Variants in TNRC6B observed in about 807,000 individuals in gnomAD.
TNRC6B encodes the protein trinucleotide repeat-containing gene 6B protein.
A neutral mutation model predicts 203.6 loss-of-function variants in TNRC6B; 52 were observed. The observed-to-expected ratio is 0.26, with a 90% confidence interval of 0.20 to 0.32. The LOEUF is 0.32. Ranked by LOEUF, TNRC6B falls within the 10% of genes least tolerant of loss-of-function variation. The pLI, the probability that TNRC6B is intolerant of heterozygous loss-of-function variation, is 1.00. For synonymous variants in TNRC6B, 838 were observed against 845.7 expected (o/e 0.99, Z 0.16); for missense variants, 1,923 against 2,286.2 (o/e 0.84, Z 3.24).
rs1471382794 is a variant in TNRC6B at position 40,277,980 on chromosome 22, TC to T, written c.3217-18del. ...GATGTGCATCCTTAATTCTCTCTCATCTGTTCTTTATTTTCCAGAGTCAGAC... is the reference window on the plus strand; with the variant it reads ...GATGTGCATCCTTAATTCTCTCTCATTGTTCTTTATTTTCCAGAGTCAGAC... On this transcript the variant is annotated intron_variant, in intron 8 of 22. Transcript: ENST00000454349. The T allele has an allele frequency of 1.3e-6, 2 of 1,541,826 alleles. No individual in the cohort carries two copies. The highest frequency in any genetic ancestry group is 2.7e-5 in the African/African-American group (2 of 73,674).
chr22:40,301,087 A>C, intron 14 of TNRC6B, 63 bp from the exon 15 acceptor site: 1 of 1,561,206 alleles, frequency 6.4e-7, no homozygotes, highest in South Asian at 1.2e-5. Context: ...AGAACCGGGC[A>C]CAGTCTTTTC....
At chr22:40,223,544 C>T (rs149679010) in intron 1 of TNRC6B, among the ~76,000 whole-genome samples, 14 of 152,292 alleles carry the variant, frequency 9.2e-5, no homozygotes, top group African/African-American at 3.4e-4. Flanking sequence ...TTTTTTGCAT[C>T]TTGCTTTTAA....
In TNRC6B at chr22:40,334,570, A is replaced by G. The variant is rs1270865633; in HGVS notation, c.*11329A>G. On this transcript the variant is annotated 3_prime_UTR_variant, in exon 23 of 23. Coordinates refer to ENST00000454349, the MANE Select transcript of TNRC6B (RefSeq NM_001162501.2). ...CAACCTGAGGAGAGGTTTCTGGACT[A>G]TTTTATCTGTCTCCATTTAGATGGA... The G allele has an allele frequency of 2.0e-5, 3 of 152,526 alleles. No individual in the cohort carries two copies. Among genetic ancestry groups the G allele is most frequent in the South Asian group, 2.1e-4 (1 of 4,820 alleles). The allele number at this position is 152,526 out of a possible 1,614,324, so 9.4% of individuals were successfully genotyped here. A position where few individuals can be genotyped will look rare whatever the true frequency, so the allele number is the denominator to read the frequency against.
intron 1 of TNRC6B, among the ~76,000 whole-genome samples, chr22:40,211,295 G>T (rs2069559238): frequency 6.6e-6 from 1 of 152,064 alleles, no homozygotes; most frequent in Admixed American, 6.6e-5. Flanking sequence ...GGCCAGGCTG[G>T]TCTCTAACTC....
At position 40,332,068 on chromosome 22, in the gene TNRC6B, T is replaced by A. The variant is rs2043988067; in HGVS notation, c.*8827T>A. On this transcript the variant is annotated 3_prime_UTR_variant, in exon 23 of 23. Transcript: ENST00000454349. Reference sequence around the variant, plus strand: ...CAGTGTTCTCTGGAAAAAGTACTCATCCTTTCCTGAATTCAGAGCCCTTCA... The same window carrying A: ...CAGTGTTCTCTGGAAAAAGTACTCAACCTTTCCTGAATTCAGAGCCCTTCA... The A allele has an allele frequency of 6.2e-6, 1 of 162,054 alleles. No individual in the cohort carries two copies. Among genetic ancestry groups the A allele is most frequent in the Non-Finnish European group, 1.3e-5 (1 of 74,424 alleles). The allele number at this position is 162,054 out of a possible 1,614,324, so 10.0% of individuals were successfully genotyped here.
upstream of TNRC6B, among the ~76,000 whole-genome samples, chr22:40,177,500 C>T (rs1418907200): frequency 6.6e-6 from 1 of 152,110 alleles, no homozygotes; most frequent in Non-Finnish European, 1.5e-5. Context: ...CAGTCGTGCC[C>T]TGTATTTCAC....
intron 1 of TNRC6B, among the ~76,000 whole-genome samples, chr22:40,048,871 C>T (rs563673250): frequency 6.6e-6 from 1 of 151,988 alleles, no homozygotes; most frequent in East Asian, 2.0e-4. Flanking sequence ...GACAGAGTTT[C>T]GCTCTGTCGC....
intron 3 of TNRC6B, among the ~76,000 whole-genome samples, chr22:40,127,180 C>T (rs941249779): frequency 6.6e-6 from 1 of 151,966 alleles, no homozygotes; most frequent in African/African-American, 2.4e-5. Flanking sequence ...CCTCTCTGTC[C>T]ATTCAGAATT....
intron 3 of TNRC6B, among the ~76,000 whole-genome samples, chr22:40,137,972 G>A (rs1423452108): frequency 2.1e-5 from 3 of 142,590 alleles, no homozygotes; most frequent in African/African-American, 7.8e-5. Context: ...AACAAAGCTA[G>A]ACTGTATCTC....
At chr22:40,155,286 T>C (rs1310566026) in intron 3 of TNRC6B, among the ~76,000 whole-genome samples, 1 of 151,860 alleles carries the variant, frequency 6.6e-6, no homozygotes, top group African/African-American at 2.4e-5. Flanking sequence ...TGCAAACTTT[T>C]TGTTGTTGTT....
intron 1 of TNRC6B, among the ~76,000 whole-genome samples, chr22:40,073,438 A>T (rs1262295755): frequency 1.3e-5 from 2 of 151,878 alleles, no homozygotes; most frequent in African/African-American, 4.8e-5. Context: ...ATTTTTAAGG[A>T]TCTTATGGCA....
intron 3 of TNRC6B, among the ~76,000 whole-genome samples, chr22:40,139,866 C>G (rs898353453): frequency 9.2e-5 from 14 of 152,156 alleles, no homozygotes; most frequent in Non-Finnish European, 1.8e-4. Flanking sequence ...TTTCAAGTGA[C>G]TACACCATTT....
At chr22:40,158,758 G>A (rs1294250551) in intron 4 of TNRC6B, among the ~76,000 whole-genome samples, 3 of 152,186 alleles carry the variant, frequency 2.0e-5, no homozygotes. Context: ...GGCCTGGTCA[G>A]CTATTACATA....
At chr22:40,159,424 G>T (rs905193943) in intron 4 of TNRC6B, among the ~76,000 whole-genome samples, 2 of 150,428 alleles carry the variant, frequency 1.3e-5, no homozygotes. Context: ...CAGATCACGA[G>T]GTCAGGAGAT....
upstream of TNRC6B, among the ~76,000 whole-genome samples, chr22:40,175,304 C>T (rs2069045090): frequency 1.3e-5 from 2 of 152,146 alleles, no homozygotes; most frequent in South Asian, 4.2e-4. Context: ...TTCCTGTGAG[C>T]CGATACCATG....
rs5757902 is a variant in TNRC6B at position 40,284,541 on chromosome 22, A to G, written c.3583-1104A>G. 1.7e-3 allele frequency among the ~76,000 whole-genome samples: 256 copies of G among 152,340 alleles called. 5 individuals carry two copies. In the East Asian group the frequency reaches 0.038, roughly 23 times the overall value. ...GGTGTGTGGAATTGGTGGGTCATGG[A>G]TATTTACAGATGATATATTCATCCT... On this transcript the variant is annotated intron_variant, in intron 11 of 22. Coordinates refer to ENST00000454349, the MANE Select transcript of TNRC6B (RefSeq NM_001162501.2).
At chr22:40,063,807 A>G (rs1254651186) in intron 1 of TNRC6B, among the ~76,000 whole-genome samples, 2 of 151,888 alleles carry the variant, frequency 1.3e-5, no homozygotes, top group Non-Finnish European at 2.9e-5. Flanking sequence ...GGCTCAAGTG[A>G]TCTTTCTGCT....
intron 3 of TNRC6B, among the ~76,000 whole-genome samples, chr22:40,128,734 G>C (rs1478386422): frequency 6.6e-6 from 1 of 151,780 alleles, no homozygotes; most frequent in African/African-American, 2.4e-5. Context: ...TGTTGCCCAG[G>C]CTGGTCTCGA....
intron 1 of TNRC6B, among the ~76,000 whole-genome samples, chr22:40,204,024 G>A (rs754232347): frequency 2.6e-5 from 4 of 151,798 alleles, no homozygotes; most frequent in Non-Finnish European, 4.4e-5. Context: ...ATCCCTATTC[G>A]CTTCTTAATA....
Sources: gnomAD v4.1 joint callset for allele counts (sites outside exome capture counted in the v4.1 genomes callset) on GRCh38, gnomAD v4.1.1 for gene constraint, MANE v1.5 for transcripts, NCBI Gene and HGNC (gene_info 2026-07-23, HGNC 2026-07-21) for gene names.